MARK2: variants seen among roughly 807,000 people sequenced by gnomAD.
MARK2 encodes the protein microtubule affinity regulating kinase 2.
Under a neutral mutation model 89.8 loss-of-function variants are expected in MARK2, and 16 were observed. That is an observed-to-expected ratio of 0.18 (90% CI 0.12 to 0.27). The LOEUF (loss-of-function observed/expected upper bound fraction) is 0.27, where lower values mean the gene tolerates loss of function less well. MARK2 is among the 10% of genes least tolerant of loss of function. The pLI, the probability that MARK2 is intolerant of heterozygous loss-of-function variation, is 1.00. For synonymous variants in MARK2, 382 were observed against 399.5 expected, an observed-to-expected ratio of 0.96 and a Z score of 0.52; for missense variants, 621 against 1,049.9, an observed-to-expected ratio of 0.59 and a Z score of 5.65.
chr11:63,844,817 G>T (rs2016195937), intron 1 of MARK2, among the ~76,000 whole-genome samples: 1 of 152,224 alleles, frequency 6.6e-6, no homozygotes, highest in African/African-American at 2.4e-5. Context: ...ATTTGATCAG[G>T]ACTAACCCAG....
chr11:63,894,366 C>T (rs1940176997), intron 1 of MARK2, among the ~76,000 whole-genome samples: 1 of 152,208 alleles, frequency 6.6e-6, no homozygotes. Flanking sequence ...GCCATGCAGT[C>T]CTTCCATGCA....
At chr11:63,897,627 G>T (rs906081995) in intron 3 of MARK2, among the ~76,000 whole-genome samples, 3 of 152,220 alleles carry the variant, frequency 2.0e-5, no homozygotes, top group African/African-American at 7.2e-5. Context: ...GGAAATACAT[G>T]GTTTGGAGCC....
Position 63,900,360 on chromosome 11 carries a change from C to T in MARK2, c.769-199C>T, listed in dbSNP as rs1423288177. Reference sequence around the variant, plus strand: ...GGCACTCCGGATTGCAGGCCTCGGACTGGTCAAGTTAGAGGGTACGAGGGT... The same window carrying T: ...GGCACTCCGGATTGCAGGCCTCGGATTGGTCAAGTTAGAGGGTACGAGGGT... On this transcript the variant is annotated intron_variant, in intron 8 of 18. Transcript: ENST00000402010. The surrounding 1 kb of genome is among the most constrained non-coding windows in gnomAD (Gnocchi z 4.7). Among the ~76,000 whole-genome samples the T allele has an allele frequency of 6.6e-6, 1 of 152,218 alleles. No individual in the cohort carries two copies. Among genetic ancestry groups the T allele is most frequent in the Non-Finnish European group, 1.5e-5 (1 of 68,038 alleles).
At chr11:63,866,446 T>G (rs1938136513) in intron 1 of MARK2, among the ~76,000 whole-genome samples, 1 of 152,108 alleles carries the variant, frequency 6.6e-6, no homozygotes, top group South Asian at 2.1e-4. Flanking sequence ...TAGGGCAGGC[T>G]GCCAAATACA....
intron 18 of MARK2, 130 bp from the exon 19 acceptor site, chr11:63,908,746 AG>A: frequency 1.1e-6 from 1 of 897,328 alleles, no homozygotes; most frequent in Non-Finnish European, 1.6e-6. Flanking sequence ...CCCGCAGGCC[AG>A]GGGCCACGCC....
At chr11:63,888,068 C>T (rs1041475424) in intron 1 of MARK2, among the ~76,000 whole-genome samples, 2 of 152,130 alleles carry the variant, frequency 1.3e-5, no homozygotes, top group Non-Finnish European at 2.9e-5. Context: ...AAAACATACA[C>T]CTCATAGGGG....
chr11:63,877,790 A>G (rs568417533), intron 1 of MARK2, among the ~76,000 whole-genome samples: 3 of 152,356 alleles, frequency 2.0e-5, no homozygotes, highest in Admixed American at 2.0e-4. Context: ...ACAAACAGCA[A>G]GGGCCCCTTG....
intron 1 of MARK2, among the ~76,000 whole-genome samples, chr11:63,843,718 G>A (rs991427395): frequency 7.9e-5 from 12 of 151,774 alleles, no homozygotes; most frequent in African/African-American, 2.7e-4. Flanking sequence ...TCCGCCTCCC[G>A]GGTCAAGCGA....
rs756065906 is a variant in MARK2, at chr11:63,900,806, T to C, written c.915T>C (p.Asn305=). The C allele has an allele frequency of 6.2e-7, 1 of 1,614,180 alleles. No individual in the cohort carries two copies. The highest frequency in any genetic ancestry group is 1.1e-5 in the South Asian group (1 of 91,074). The change falls in exon 10 of 19, where the codon AAT becomes AAC. Residue 305 remains asparagine (N), a synonymous_variant. Transcript: ENST00000402010. The surrounding 1 kb of genome is among the most constrained non-coding windows in gnomAD (Gnocchi z 4.7). ...LEQIMKDRWM[N]VGHEDDELKP... ...AAATCATGAAAGATCGATGGATGAA[T>C]GTGGGTCACGAAGATGATGAACTAA...
chr11:63,894,676 A>AC (rs1397960757), intron 1 of MARK2, among the ~76,000 whole-genome samples: 2 of 152,244 alleles, frequency 1.3e-5, no homozygotes, highest in African/African-American at 2.4e-5. Context: ...AGCCTGGGCA[A>AC]CAAGAGTAAA....
intron 1 of MARK2, among the ~76,000 whole-genome samples, chr11:63,866,756 T>C (rs1340812145): frequency 6.6e-6 from 1 of 152,228 alleles, no homozygotes; most frequent in Non-Finnish European, 1.5e-5. Context: ...TTTGAGGTGA[T>C]TTGGACCAAC....
chr11:63,845,501 A>G lies in MARK2; in HGVS notation c.54+5941A>G, dbSNP rs142174846. ...TTCTCCAGGCCTCCTCCCAGCTTTCATCAAACATGAGTGAGTCACTGAAGT... is the reference window on the plus strand; with the variant it reads ...TTCTCCAGGCCTCCTCCCAGCTTTCGTCAAACATGAGTGAGTCACTGAAGT... On this transcript the variant is annotated intron_variant, in intron 1 of 18. Transcript: ENST00000402010. Among the ~76,000 whole-genome samples the G allele has an allele frequency of 1.2e-3, 187 of 152,262 alleles. 1 individual carries two copies. The highest frequency in any genetic ancestry group is 4.2e-3 in the African/African-American group (176 of 41,554).
intron 1 of MARK2, among the ~76,000 whole-genome samples, chr11:63,857,612 G>A (rs778548657): frequency 1.3e-5 from 2 of 152,184 alleles, no homozygotes; most frequent in Non-Finnish European, 2.9e-5. Context: ...ATGTTTACAT[G>A]TAATGAGTTT....
intron 1 of MARK2, among the ~76,000 whole-genome samples, chr11:63,847,867 A>G (rs1392752543): frequency 6.6e-6 from 1 of 152,144 alleles, no homozygotes; most frequent in Non-Finnish European, 1.5e-5. Context: ...CTCCTCATTT[A>G]TGGGTCTGGG....
At position 63,902,674 on chromosome 11, in the gene MARK2, G is replaced by C. The variant is rs748778782; in HGVS notation, c.1308G>C (p.Arg436=). The change falls in exon 13 of 19, where the codon CGG becomes CGC. Residue 436 remains arginine, a synonymous_variant. Coordinates refer to ENST00000402010, the MANE Select transcript of MARK2 (RefSeq NM_001039469.3). The surrounding 1 kb of genome is among the most constrained non-coding windows in gnomAD (Gnocchi z 4.2). ...AGAGTAACAACGCAGAAAATAAGCGGCCTGAGGAGGACCGGGAGTCAGGGC... is the reference window on the plus strand; with the variant it reads ...AGAGTAACAACGCAGAAAATAAGCGCCCTGAGGAGGACCGGGAGTCAGGGC... ...KTQSNNAENK[R]PEEDRESGRK... is the part of the protein sequence containing the mutation. 1.2e-6 allele frequency: 2 copies of C among 1,614,118 alleles called. No homozygotes were observed. The highest frequency in any genetic ancestry group is 2.2e-5 in the South Asian group (2 of 91,086).
chr11:63,874,101 C>A (rs1591023693), intron 1 of MARK2, among the ~76,000 whole-genome samples: 1 of 152,334 alleles, frequency 6.6e-6, no homozygotes. Flanking sequence ...GTGCTGACCA[C>A]CTTTCCCTCT....
chr11:63,896,756 A>G (rs2135330565), intron 3 of MARK2, among the ~76,000 whole-genome samples: 1 of 152,172 alleles, frequency 6.6e-6, no homozygotes, highest in East Asian at 1.9e-4. Flanking sequence ...TCTCTGCTTG[A>G]AGCTTTCCAG....
intron 1 of MARK2, among the ~76,000 whole-genome samples, chr11:63,862,681 A>G (rs1045117140): frequency 7.9e-5 from 12 of 151,986 alleles, no homozygotes. Flanking sequence ...ATCTTTTCCC[A>G]TCTTCCGGAA....
chr11:63,895,662 T>A, intron 3 of MARK2, 29 bp downstream of exon 3: 3 of 215,204 alleles, frequency 1.4e-5, no homozygotes, highest in Non-Finnish European at 2.0e-5. Flanking sequence ...CTGTCCCTTT[T>A]TTTTTTTTTT....
Sources: gnomAD v4.1 joint callset for allele counts (sites outside exome capture counted in the v4.1 genomes callset) on GRCh38, gnomAD v4.1.1 for gene constraint, Gnocchi (gnomAD v3.1) non-coding constraint, MANE v1.5 for transcripts, NCBI Gene and HGNC (gene_info 2026-07-23, HGNC 2026-07-21) for gene names.